The following TMEM201 variants were observed in gnomAD, a reference collection of about 807,000 sequenced individuals.
TMEM201 encodes the protein transmembrane protein 201.
In TMEM201, 26 loss-of-function variants were observed where a neutral mutation model predicts 63.4. That is an observed-to-expected ratio of 0.41 (90% CI 0.30 to 0.57). The LOEUF (loss-of-function observed/expected upper bound fraction) is 0.57. TMEM201 is among the 20% of genes least tolerant of loss of function. The pLI, the probability that TMEM201 is intolerant of heterozygous loss-of-function variation, is 0.29. For synonymous variants in TMEM201, 417 were observed against 421.6 expected (o/e 0.99, Z 0.14); for missense variants, 794 against 917.7 (o/e 0.87, Z 1.74).
At chr1:9,592,622 A>G (rs1474392991) in intron 1 of TMEM201, among the ~76,000 whole-genome samples, 1 of 152,120 alleles carries the variant, frequency 6.6e-6, no homozygotes, top group African/African-American at 2.4e-5. Flanking sequence ...ATCCCGCAGG[A>G]GCTTTGTTTC....
chr1:9,588,962 G>A lies in TMEM201; in HGVS notation c.32G>A (p.Cys11Tyr). The A allele has an allele frequency of 7.9e-7, 1 of 1,266,292 alleles. No homozygotes were observed. Among genetic ancestry groups the A allele is most frequent in the Non-Finnish European group, 1.0e-6 (1 of 988,660 alleles). The allele number at this position is 1,266,292 out of a possible 1,614,324, so 78.4% of individuals were successfully genotyped here. Residue 11 changes from cysteine to tyrosine, a missense_variant, in exon 1 of 11, where the codon TGC (cysteine) becomes TAC (tyrosine). Physicochemically the swap from Cys to Tyr is radical, Grantham distance 194 (BLOSUM62 -2). Coordinates refer to ENST00000340381, the MANE Select transcript of TMEM201 (RefSeq NM_001130924.3). MEGVSALLAR[C>Y]PTAGLAGGLG... ...GGAGTGAGCGCGCTGCTGGCCCGCT[G>A]CCCCACGGCCGGCCTGGCCGGCGGC...
chr1:9,593,622 G>A (rs2100453186), intron 1 of TMEM201, among the ~76,000 whole-genome samples: 1 of 152,340 alleles, frequency 6.6e-6, no homozygotes, highest in South Asian at 2.1e-4. Flanking sequence ...GATTCAGAAT[G>A]GAAACATGAC....
chr1:9,607,458 C>A lies in TMEM201; in HGVS notation c.1161-99C>A. On this transcript the variant is annotated intron_variant, in intron 6 of 10. Transcript: ENST00000340381. This position sits in a 1 kb window ranked among gnomAD's most constrained non-coding sequence, Gnocchi z 5.4. ...CCTCTGGGACCCCAGCTGAGGCCCC[C>A]ACCTTGCACTGTGGGAGAGGGGTGG... 1.1e-6 allele frequency: 1 copy of A among 904,752 alleles called. No individual in the cohort carries two copies. Among genetic ancestry groups the A allele is most frequent in the Non-Finnish European group, 1.6e-6 (1 of 609,298 alleles). The allele number at this position is 904,752 out of a possible 1,614,324, so 56.0% of individuals were successfully genotyped here.
At chr1:9,591,531 G>A (rs1227944160) in intron 1 of TMEM201, among the ~76,000 whole-genome samples, 1 of 152,232 alleles carries the variant, frequency 6.6e-6, no homozygotes, top group Non-Finnish European at 1.5e-5. Flanking sequence ...CTGTCCCCTG[G>A]ACGCTGCTGC....
At position 9,610,883 on chromosome 1, in the gene TMEM201, G is replaced by T. The variant is rs1006211341; in HGVS notation, c.1765+78G>T. The T allele has an allele frequency of 1.6e-5, 24 of 1,491,020 alleles. No homozygotes were observed. The East Asian group carries it at 2.2e-4, about 14-fold the overall frequency. The allele number at this position is 1,491,020 out of a possible 1,614,324, so 92.4% of individuals were successfully genotyped here. A position where few individuals can be genotyped will look rare whatever the true frequency, so the allele number is the denominator to read the frequency against. Reference sequence around the variant, plus strand: ...AGGCCTGGCTGTGCGGCGGTGGGGGGGCTCATCCTTGCTCTGACTCCGGTG... The same window carrying T: ...AGGCCTGGCTGTGCGGCGGTGGGGGTGCTCATCCTTGCTCTGACTCCGGTG... On this transcript the variant is annotated intron_variant, in intron 9 of 10. Coordinates refer to ENST00000340381, the MANE Select transcript of TMEM201 (RefSeq NM_001130924.3). The surrounding 1 kb of genome is among the most constrained non-coding windows in gnomAD (Gnocchi z 4.9).
chr1:9,603,668 C>G lies in TMEM201; in HGVS notation c.1160+1396C>G. The G allele has an allele frequency of 1.0e-6, 1 of 985,446 alleles. No homozygotes were observed. Among genetic ancestry groups the G allele is most frequent in the Non-Finnish European group, 1.2e-6 (1 of 829,984 alleles). 61.0% of individuals were successfully genotyped at this position (985,446 alleles called of 1,614,324 possible). On this transcript the variant is annotated intron_variant, in intron 6 of 10. Transcript: ENST00000340381. The surrounding 1 kb of genome is among the most constrained non-coding windows in gnomAD (Gnocchi z 4.5). ...GGTCTGCCGGGATGGGTTGGGGGGG[C>G]AGGTGCCAGGCCTCACTGCTGTGAA...
chr1:9,611,246 G>A (rs1021414992), intron 9 of TMEM201, among the ~76,000 whole-genome samples: 1 of 151,148 alleles, frequency 6.6e-6, no homozygotes, highest in Non-Finnish European at 1.5e-5. Flanking sequence ...CGCCCAGGCT[G>A]GAGTGCAGTG....
At chr1:9,601,633 G>A (rs1049748079) in intron 5 of TMEM201, among the ~76,000 whole-genome samples, 179 bp downstream of exon 5, 4 of 152,210 alleles carry the variant, frequency 2.6e-5, no homozygotes, top group Admixed American at 1.3e-4. Flanking sequence ...GGCTGCAGAC[G>A]CCCTCTGAGC....
At position 9,604,355 on chromosome 1, in the gene TMEM201, C is replaced by T; in HGVS notation, c.1160+2083C>T. The stretch of plus-strand genomic sequence containing the variant: ...CCGGAAGCGACATCTCAGGAGGTAG[C>T]TCTCAGCAGAGTGAGGATTCCTGCC... On this transcript the variant is annotated intron_variant, in intron 6 of 10. Coordinates refer to ENST00000340381, the MANE Select transcript of TMEM201 (RefSeq NM_001130924.3). The surrounding 1 kb of genome is among the most constrained non-coding windows in gnomAD (Gnocchi z 4.1). 1 of 985,452 alleles carries T rather than the reference C, an allele frequency of 1.0e-6. No homozygotes were observed. Among genetic ancestry groups the T allele is most frequent in the Non-Finnish European group, 1.2e-6 (1 of 829,940 alleles). The allele number at this position is 985,452 out of a possible 1,614,324, so 61.0% of individuals were successfully genotyped here. A position where few individuals can be genotyped will look rare whatever the true frequency, so the allele number is the denominator to read the frequency against.
intron 5 of TMEM201, 32 bp from the exon 6 acceptor site, chr1:9,602,037 C>A: frequency 6.2e-7 from 1 of 1,603,004 alleles, no homozygotes. Flanking sequence ...GTCTTGTCCT[C>A]CCCTGGGGTG....
rs970747120 is a variant in TMEM201, at chr1:9,601,741, G to T, written c.956+287G>T. Among the ~76,000 whole-genome samples the T allele has an allele frequency of 3.9e-5, 6 of 152,110 alleles. 1 individual carries two copies. In the East Asian group the frequency reaches 9.6e-4, roughly 24 times the overall value. On this transcript the variant is annotated intron_variant, in intron 5 of 10. Transcript: ENST00000340381. ...GATGACGATAACCACCTGCCTCCTG[G>T]GTTGTGGGGGCTCACGTGGGGGCCT...
At chr1:9,609,300 A>G (rs1644288668) in intron 7 of TMEM201, among the ~76,000 whole-genome samples, 1 of 152,240 alleles carries the variant, frequency 6.6e-6, no homozygotes, top group Non-Finnish European at 1.5e-5. Context: ...TGGGTCCCAC[A>G]TTCAGCTCTC....
At chr1:9,590,577 T>C (rs1393970731) in intron 1 of TMEM201, among the ~76,000 whole-genome samples, 1 of 152,112 alleles carries the variant, frequency 6.6e-6, no homozygotes, top group African/African-American at 2.4e-5. Flanking sequence ...CTCCATCTCC[T>C]GGAAACAAGA....
Position 9,613,394 on chromosome 1 carries a change from A to T in TMEM201, c.*311A>T. ...TGCATGACCCTGGGGTGCCCCACAC[A>T]GTTCAGCCCTGCCTGGCAGGGACGC... On this transcript the variant is annotated 3_prime_UTR_variant, in exon 11 of 11. Transcript: ENST00000340381. 1 of 434,846 alleles carries T rather than the reference A, an allele frequency of 2.3e-6. No individual in the cohort carries two copies. The highest frequency in any genetic ancestry group is 4.2e-6 in the Non-Finnish European group (1 of 238,178). 26.9% of individuals were successfully genotyped at this position (434,846 alleles called of 1,614,324 possible).
In TMEM201 at chr1:9,610,936, C is replaced by T. The variant is rs540124199; in HGVS notation, c.1765+131C>T. The stretch of plus-strand genomic sequence containing the variant: ...CGCCTTCCCACCCTGGAGCTCTAGG[C>T]ACCCCATTCCGGCTCTGGTGACTTG... On this transcript the variant is annotated intron_variant, in intron 9 of 10. Transcript: ENST00000340381. This position sits in a 1 kb window ranked among gnomAD's most constrained non-coding sequence, Gnocchi z 4.9. 4.4e-5 allele frequency: 65 copies of T among 1,491,270 alleles called. No homozygotes were observed. The South Asian group carries it at 7.2e-4, about 17-fold the overall frequency. The allele number at this position is 1,491,270 out of a possible 1,614,324, so 92.4% of individuals were successfully genotyped here.
In TMEM201 at chr1:9,589,132, G is replaced by T. The variant is rs1210960029; in HGVS notation, c.113+89G>T. 11 of 586,422 alleles carry T rather than the reference G, an allele frequency of 1.9e-5. No individual in the cohort carries two copies. In the South Asian group the frequency reaches 6.3e-4, roughly 34 times the overall value. 36.3% of individuals were successfully genotyped at this position (586,422 alleles called of 1,614,324 possible). On this transcript the variant is annotated intron_variant, in intron 1 of 10. Transcript: ENST00000340381. ...CCCCGGCCCGCTGCCCCCCTCGGCC[G>T]GGACCCGGGCTGCCCGCGGGCGCGC...
At chr1:9,597,689 G>A (rs1341546089) in intron 3 of TMEM201, among the ~76,000 whole-genome samples, 1 of 152,214 alleles carries the variant, frequency 6.6e-6, no homozygotes, top group Non-Finnish European at 1.5e-5. Flanking sequence ...CCCAGCTGGG[G>A]CCCAGAGACA....
Position 9,609,751 on chromosome 1 carries a change from G to A in TMEM201, c.1394-89G>A. ...GAAAGCACATTTGTAAAGAGCAAAG[G>A]CTGGATTGGGATTTCGGCAGAGCAT... On this transcript the variant is annotated intron_variant, in intron 7 of 10. Transcript: ENST00000340381. The A allele has an allele frequency of 3.9e-6, 5 of 1,289,996 alleles. No homozygotes were observed. In the Admixed American group the frequency reaches 8.1e-5, roughly 21 times the overall value. The allele number at this position is 1,289,996 out of a possible 1,614,324, so 79.9% of individuals were successfully genotyped here.
At position 9,588,993 on chromosome 1, in the gene TMEM201, G is replaced by A. The variant is rs1363216581; in HGVS notation, c.63G>A (p.Gly21=). The A allele has an allele frequency of 9.1e-6, 11 of 1,204,628 alleles. No individual in the cohort carries two copies. The highest frequency in any genetic ancestry group is 4.8e-5 in the East Asian group (1 of 20,662). The allele number at this position is 1,204,628 out of a possible 1,614,324, so 74.6% of individuals were successfully genotyped here. ...CPTAGLAGGL[G]VTACAAAGVL... The stretch of plus-strand genomic sequence containing the variant: ...CGGCCGGCCTGGCCGGCGGCCTGGG[G>A]GTCACGGCGTGCGCCGCGGCCGGCG... Residue 21 remains glycine (G), a synonymous_variant, in exon 1 of 11, where the codon GGG becomes GGA. Coordinates refer to ENST00000340381, the MANE Select transcript of TMEM201 (RefSeq NM_001130924.3).
Sources: allele counts gnomAD v4.1 joint callset (sites outside exome capture counted in the v4.1 genomes callset), GRCh38; gene constraint gnomAD v4.1.1; non-coding constraint Gnocchi (gnomAD v3.1); transcripts MANE v1.5; gene names NCBI Gene and HGNC (gene_info 2026-07-23, HGNC 2026-07-21).